FKTN: variants seen among roughly 807,000 people sequenced by gnomAD.
FKTN encodes the protein ribitol-5-phosphate transferase FKTN.
A neutral mutation model predicts 58.6 loss-of-function variants in FKTN; 47 were observed. That is an observed-to-expected ratio of 0.80 (90% CI 0.63 to 1.02). FKTN has a LOEUF of 1.02. FKTN is among the 50% of genes least tolerant of loss of function. The pLI, the probability that FKTN is intolerant of heterozygous loss-of-function variation, is 0.00. For synonymous variants in FKTN, 178 were observed against 191.9 expected, an observed-to-expected ratio of 0.93 and a Z score of 0.60; for missense variants, 516 against 537.3, an observed-to-expected ratio of 0.96 and a Z score of 0.39.
At chr9:105,567,668 T>C (rs564885255) in intron 1 of FKTN, among the ~76,000 whole-genome samples, 3 of 152,290 alleles carry the variant, frequency 2.0e-5, no homozygotes, top group East Asian at 3.9e-4. Context: ...AAGAACATTC[T>C]ATGCTCATGG....
In FKTN at chr9:105,634,404, G is replaced by A. The variant is rs1004915808; in HGVS notation, c.1173-647G>A. Among the ~76,000 whole-genome samples the A allele has an allele frequency of 1.1e-4, 16 of 152,132 alleles. 1 individual carries two copies. The highest frequency in any genetic ancestry group is 1.5e-5 in the Non-Finnish European group (1 of 68,024). ...CTGCCTCAGCCTCCCAAAGAGCTGG[G>A]ATTACAGGCGGGAGCCACCACGACC... is the stretch of plus-strand genomic sequence containing the variant. On this transcript the variant is annotated intron_variant, in intron 10 of 10. Transcript: ENST00000357998.
chr9:105,625,835 G>GT (rs1832672865), intron 10 of FKTN, among the ~76,000 whole-genome samples: 1 of 149,700 alleles, frequency 6.7e-6, no homozygotes, highest in South Asian at 2.1e-4. Flanking sequence ...CAGCACCCCA[G>GT]TAAAAAAAAA....
Position 105,639,999 on chromosome 9 carries a change from A to T in FKTN, c.*4735A>T. Reference sequence around the variant, plus strand: ...AATCTGGAATACTTAATTTCATTTAATTATCTATGCTGATGAATGCCTGTA... The same window carrying T: ...AATCTGGAATACTTAATTTCATTTATTTATCTATGCTGATGAATGCCTGTA... On this transcript the variant is annotated 3_prime_UTR_variant, in exon 11 of 11. Coordinates refer to ENST00000357998, the MANE Select transcript of FKTN (RefSeq NM_001079802.2). 1 of 1,517,914 alleles carries T rather than the reference A, an allele frequency of 6.6e-7. No homozygotes were observed. Among genetic ancestry groups the T allele is most frequent in the East Asian group, 2.5e-5 (1 of 40,656 alleles). 94.0% of individuals were successfully genotyped at this position (1,517,914 alleles called of 1,614,324 possible).
intron 7 of FKTN, among the ~76,000 whole-genome samples, chr9:105,613,432 C>T (rs1223053039): frequency 2.0e-5 from 3 of 152,212 alleles, no homozygotes; most frequent in African/African-American, 7.2e-5. Flanking sequence ...AGGTAGGGTA[C>T]TTTTTGCTTA....
Position 105,637,646 on chromosome 9 carries a change from T to C in FKTN, c.*2382T>C. Reference sequence around the variant, plus strand: ...ATCACTTGAGTATTCTAGCAGTCATTCTCCTAATCTGACCACTTTCAGGTT... The same window carrying C: ...ATCACTTGAGTATTCTAGCAGTCATCCTCCTAATCTGACCACTTTCAGGTT... On this transcript the variant is annotated 3_prime_UTR_variant, in exon 11 of 11. Coordinates refer to ENST00000357998, the MANE Select transcript of FKTN (RefSeq NM_001079802.2). 1.0e-6 allele frequency: 1 copy of C among 985,352 alleles called. No homozygotes were observed. Among genetic ancestry groups the C allele is most frequent in the Non-Finnish European group, 1.2e-6 (1 of 829,890 alleles). 61.0% of individuals were successfully genotyped at this position (985,352 alleles called of 1,614,324 possible).
intron 1 of FKTN, among the ~76,000 whole-genome samples, chr9:105,561,330 A>C (rs1268913427): frequency 6.7e-6 from 1 of 149,452 alleles, no homozygotes; most frequent in Non-Finnish European, 1.5e-5. Context: ...ACATAATTAC[A>C]TGTGGGCTCT....
chr9:105,614,159 G>A (rs1404378882), intron 7 of FKTN, among the ~76,000 whole-genome samples: 1 of 152,154 alleles, frequency 6.6e-6, no homozygotes, highest in Non-Finnish European at 1.5e-5. Context: ...TGTCCCACAG[G>A]TAGCGAAGCA....
chr9:105,600,593 G>C (rs1225600453), intron 4 of FKTN, among the ~76,000 whole-genome samples: 2 of 152,116 alleles, frequency 1.3e-5, no homozygotes, highest in African/African-American at 2.4e-5. Flanking sequence ...ATATATGGCA[G>C]TCATCAAGCA....
chr9:105,631,948 G>A (rs1365835526), intron 10 of FKTN, among the ~76,000 whole-genome samples: 1 of 150,004 alleles, frequency 6.7e-6, no homozygotes, highest in African/African-American at 2.5e-5. Context: ...AAATCATGCT[G>A]CTATAAAGAC....
intron 7 of FKTN, among the ~76,000 whole-genome samples, chr9:105,608,859 T>C (rs1829391732): frequency 7.6e-6 from 1 of 131,986 alleles, no homozygotes; most frequent in Non-Finnish European, 1.5e-5. Context: ...AAAAACCACA[T>C]GTGTGGATGG....
In FKTN at chr9:105,564,954, C is replaced by T. The variant is rs79590490; in HGVS notation, c.-181+6789C>T. On this transcript the variant is annotated intron_variant, in intron 1 of 10. Transcript: ENST00000357998. ...ATCAGACTAACAGCTGATCTCTCGG[C>T]AGGAACTCTACAAGCCAGAAGAGAG... 2.5e-3 allele frequency among the ~76,000 whole-genome samples: 388 copies of T among 152,266 alleles called. 2 individuals are homozygous for T. The highest frequency in any genetic ancestry group is 8.5e-3 in the African/African-American group (354 of 41,554).
chr9:105,565,567 G>A (rs924316709), intron 1 of FKTN, among the ~76,000 whole-genome samples: 17 of 152,002 alleles, frequency 1.1e-4, no homozygotes, highest in African/African-American at 3.9e-4. Flanking sequence ...ATTACATAAT[G>A]GTAAAGGGAT....
At chr9:105,622,774 G>A (rs1405162470) in intron 10 of FKTN, among the ~76,000 whole-genome samples, 1 of 152,054 alleles carries the variant, frequency 6.6e-6, no homozygotes, top group African/African-American at 2.4e-5. Context: ...TAAGTATTGT[G>A]TAAGTAGTAG....
chr9:105,639,815 T>C lies in FKTN; in HGVS notation c.*4551T>C. On this transcript the variant is annotated 3_prime_UTR_variant, in exon 11 of 11. Coordinates refer to ENST00000357998, the MANE Select transcript of FKTN (RefSeq NM_001079802.2). ...TGTCTCCTAATATTATCCCATATGC[T>C]ACCTAGTTTGCTGGTCCCAAGCAGT... 2 of 1,239,574 alleles carry C rather than the reference T, an allele frequency of 1.6e-6. No homozygotes were observed. Among genetic ancestry groups the C allele is most frequent in the Non-Finnish European group, 2.0e-6 (2 of 989,378 alleles). 76.8% of individuals were successfully genotyped at this position (1,239,574 alleles called of 1,614,324 possible). A position where few individuals can be genotyped will look rare whatever the true frequency, so the allele number is the denominator to read the frequency against.
At chr9:105,573,377 A>C (rs1841111961) in intron 1 of FKTN, among the ~76,000 whole-genome samples, 1 of 152,188 alleles carries the variant, frequency 6.6e-6, no homozygotes, top group South Asian at 2.1e-4. Context: ...TAATTCCAGC[A>C]CTTTGGGAGG....
chr9:105,592,083 G>A (rs954105546), intron 3 of FKTN, among the ~76,000 whole-genome samples: 6 of 152,202 alleles, frequency 3.9e-5, no homozygotes, highest in South Asian at 2.1e-4. Context: ...GATGGGAGGG[G>A]CTACCTCCAA....
In FKTN at chr9:105,576,340, C is replaced by A. The variant is rs930605485; in HGVS notation, c.105+1203C>A. Reference sequence around the variant, plus strand: ...CACTCCCACCACCCCACAACAGTCCCCAGAGTGTGATATTCCCCTTCCTGT... The same window carrying A: ...CACTCCCACCACCCCACAACAGTCCACAGAGTGTGATATTCCCCTTCCTGT... On this transcript the variant is annotated intron_variant, in intron 3 of 10. Transcript: ENST00000357998. Among the ~76,000 whole-genome samples the A allele has an allele frequency of 2.0e-5, 3 of 151,924 alleles. No homozygotes were observed. In the East Asian group the frequency reaches 5.8e-4, roughly 29 times the overall value.
chr9:105,623,582 A>T (rs1832316493), intron 10 of FKTN, among the ~76,000 whole-genome samples: 1 of 152,216 alleles, frequency 6.6e-6, no homozygotes, highest in Non-Finnish European at 1.5e-5. Context: ...GCTTCTGATT[A>T]TTGGATAGAT....
intron 3 of FKTN, among the ~76,000 whole-genome samples, chr9:105,576,910 GAT>G (rs955236730): frequency 9.2e-6 from 1 of 108,798 alleles, no homozygotes; most frequent in African/African-American, 3.9e-5. Context: ...GCATTTCTCT[GAT>G]GGCCAGTGAT....
Sources: allele counts gnomAD v4.1 joint callset (sites outside exome capture counted in the v4.1 genomes callset), GRCh38; gene constraint gnomAD v4.1.1; transcripts MANE v1.5; gene names NCBI Gene and HGNC (gene_info 2026-07-23, HGNC 2026-07-21).